PCDH11X: variants seen among roughly 807,000 people sequenced by gnomAD.
PCDH11X encodes the protein protocadherin 11 X-linked, also known as protocadherin-11 X-linked.
Under a neutral mutation model 53.3 loss-of-function variants are expected in PCDH11X, and 18 were observed. The observed-to-expected ratio is 0.34, with a 90% CI of 0.23 to 0.50. The LOEUF (loss-of-function observed/expected upper bound fraction) is 0.50, where lower values mean the gene tolerates loss of function less well. PCDH11X is among the 20% of genes least tolerant of loss of function. The pLI, the probability that PCDH11X is intolerant of heterozygous loss-of-function variation, is 0.98. For synonymous variants in PCDH11X, 279 were observed against 393.3 expected (o/e 0.71, Z 3.44); for missense variants, 570 against 1,032.4 (o/e 0.55, Z 6.14).
chrX:92,285,302 G>A (rs2068342102), intron 8 of PCDH11X, among the ~76,000 whole-genome samples: 1 of 98,778 alleles, frequency 1.0e-5, no homozygotes, highest in Non-Finnish European at 2.0e-5. Flanking sequence ...TGCCCAGGCT[G>A]GAGTGCAATG....
intron 8 of PCDH11X, among the ~76,000 whole-genome samples, chrX:92,348,532 T>G (rs2069961864): frequency 9.5e-6 from 1 of 105,381 alleles, no homozygotes; most frequent in Non-Finnish European, 1.9e-5. Flanking sequence ...TTATTATTAT[T>G]ATTATTATTA....
At chrX:92,605,109 T>C in intron 10 of PCDH11X, among the ~76,000 whole-genome samples, 1 of 108,297 alleles carries the variant, frequency 9.2e-6, no homozygotes, top group Non-Finnish European at 1.9e-5. Flanking sequence ...AAGAGCAGAA[T>C]ACATATACTA....
At chrX:92,202,764 G>A (rs1418439967) in intron 7 of PCDH11X, among the ~76,000 whole-genome samples, 1 of 111,964 alleles carries the variant, frequency 8.9e-6, no homozygotes, top group Admixed American at 9.5e-5. Flanking sequence ...GCTCACGCCT[G>A]TAATCCCAGC....
intron 10 of PCDH11X, among the ~76,000 whole-genome samples, chrX:92,610,730 C>T (rs1927281112): frequency 9.0e-6 from 1 of 110,865 alleles, no homozygotes; most frequent in Admixed American, 9.6e-5. Context: ...AGTTATTGGT[C>T]TCACATTTAA....
chrX:92,361,500 A>AC (rs1356531644), intron 8 of PCDH11X, among the ~76,000 whole-genome samples: 3 of 111,284 alleles, frequency 2.7e-5, no homozygotes, highest in Non-Finnish European at 5.7e-5. Flanking sequence ...CTTAAAGAAA[A>AC]CCAATGATGA....
chrX:92,462,754 G>T (rs2073077005), intron 9 of PCDH11X, among the ~76,000 whole-genome samples: 1 of 106,482 alleles, frequency 9.4e-6, no homozygotes, highest in Non-Finnish European at 1.9e-5. Context: ...TTATTTTTGA[G>T]AAAAGTTGAG....
At chrX:92,185,235 G>A (rs1407134949) in intron 6 of PCDH11X, among the ~76,000 whole-genome samples, 1 of 110,509 alleles carries the variant, frequency 9.0e-6, no homozygotes, top group Admixed American at 9.8e-5. Flanking sequence ...GACAGAGCTA[G>A]ACCCTGTGTC....
chrX:92,370,384 C>T (rs1379852334), intron 8 of PCDH11X, among the ~76,000 whole-genome samples: 1 of 106,737 alleles, frequency 9.4e-6, no homozygotes, highest in Non-Finnish European at 1.9e-5. Context: ...CTTTTGATCT[C>T]GCGTGATATG....
intron 5 of PCDH11X, among the ~76,000 whole-genome samples, chrX:91,867,635 A>G (rs1428277697): frequency 9.1e-6 from 1 of 110,056 alleles, no homozygotes; most frequent in Non-Finnish European, 1.9e-5. Context: ...GGCCAACTGG[A>G]TAGACCTTAT....
chrX:92,111,122 T>C (rs1423562489), intron 6 of PCDH11X, among the ~76,000 whole-genome samples: 1 of 102,907 alleles, frequency 9.7e-6, no homozygotes, highest in Non-Finnish European at 1.9e-5. Context: ...GCAGCAGTGA[T>C]ATTTTATTAC....
intron 10 of PCDH11X, among the ~76,000 whole-genome samples, chrX:92,484,417 G>A (rs1477655451): frequency 2.9e-5 from 3 of 103,917 alleles, no homozygotes; most frequent in African/African-American, 1.0e-4. Context: ...CCCTTCAGCA[G>A]TGTAAAAGTG....
chrX:92,336,769 C>T (rs1341014175), intron 8 of PCDH11X, among the ~76,000 whole-genome samples: 2 of 111,579 alleles, frequency 1.8e-5, no homozygotes, highest in Non-Finnish European at 1.9e-5. Context: ...GCATCTCTTT[C>T]AGTAAGAATT....
intron 6 of PCDH11X, among the ~76,000 whole-genome samples, chrX:92,132,637 A>ATATATATATG (rs2065004486): frequency 3.7e-5 from 2 of 54,210 alleles, no homozygotes; most frequent in Non-Finnish European, 5.6e-5. Context: ...ATATATATGT[A>ATATATATATG]TATATATATA....
chrX:92,198,439 A>C (rs2066334338), intron 6 of PCDH11X, among the ~76,000 whole-genome samples: 2 of 99,845 alleles, frequency 2.0e-5, no homozygotes, highest in Non-Finnish European at 4.1e-5. Flanking sequence ...AAAAAAAATC[A>C]CAAAACCACA....
chrX:92,282,590 C>T (rs2148446370), intron 8 of PCDH11X, among the ~76,000 whole-genome samples: 1 of 111,501 alleles, frequency 9.0e-6, no homozygotes, highest in East Asian at 2.8e-4. Context: ...AAGCTCTTTG[C>T]AATGAATTAT....
intron 5 of PCDH11X, among the ~76,000 whole-genome samples, chrX:91,854,190 T>C (rs751857620): frequency 1.5e-3 from 171 of 111,733 alleles, no homozygotes; most frequent in Middle Eastern, 4.6e-3. Flanking sequence ...AACCACCTTC[T>C]ACTCTCTGTC....
At chrX:92,539,879 C>T (rs2074727402) in intron 10 of PCDH11X, among the ~76,000 whole-genome samples, 1 of 111,195 alleles carries the variant, frequency 9.0e-6, no homozygotes, top group African/African-American at 3.3e-5. Context: ...GGAAGAGTCT[C>T]ATGTTGTCTT....
intron 9 of PCDH11X, among the ~76,000 whole-genome samples, chrX:92,453,545 G>T (rs2072845886): frequency 9.1e-6 from 1 of 109,753 alleles, no homozygotes; most frequent in South Asian, 3.8e-4. Context: ...CATATTCATG[G>T]AATCCTCTCC....
chrX:91,873,281 A>G (rs1442850904), intron 5 of PCDH11X, among the ~76,000 whole-genome samples: 5 of 109,645 alleles, frequency 4.6e-5, no homozygotes, highest in African/African-American at 1.7e-4. Flanking sequence ...CCAACGTAGT[A>G]GCTACTGGCC....
Sources: gnomAD v4.1 joint callset for allele counts (sites outside exome capture counted in the v4.1 genomes callset) on GRCh38, gnomAD v4.1.1 for gene constraint, MANE v1.5 for transcripts, NCBI Gene and HGNC (gene_info 2026-07-23, HGNC 2026-07-21) for gene names.